Variants in PRKG1 observed in about 807,000 individuals in gnomAD.
PRKG1 encodes the protein cGMP-dependent protein kinase 1.
Under a neutral mutation model 88.1 loss-of-function variants are expected in PRKG1, and 35 were observed. The observed-to-expected ratio is 0.40, with a 90% CI of 0.30 to 0.53. The LOEUF is 0.53. Ranked by LOEUF, PRKG1 falls within the 20% of genes least tolerant of loss-of-function variation. The pLI is 0.59. For synonymous variants in PRKG1, 303 were observed against 292.5 expected, an observed-to-expected ratio of 1.04 and a Z score of -0.37; for missense variants, 540 against 839.8, an observed-to-expected ratio of 0.64 and a Z score of 4.41.
At chr10:51,140,109 G>A (rs958858330) in intron 1 of PRKG1, among the ~76,000 whole-genome samples, 1 of 152,126 alleles carries the variant, frequency 6.6e-6, no homozygotes, top group African/African-American at 2.4e-5. Flanking sequence ...ATTTCCTATG[G>A]GGTGGCTCAC....
intron 9 of PRKG1, among the ~76,000 whole-genome samples, chr10:52,189,243 A>G (rs975224255): frequency 6.6e-6 from 1 of 152,216 alleles, no homozygotes; most frequent in African/African-American, 2.4e-5. Flanking sequence ...TGTTGCTGAT[A>G]AAATTGTGAT....
chr10:51,194,241 T>C (rs1353199341), intron 2 of PRKG1, among the ~76,000 whole-genome samples: 2 of 151,986 alleles, frequency 1.3e-5, no homozygotes, highest in Admixed American at 1.3e-4. Context: ...TTTTAGTTTT[T>C]TTTTTTTTCA....
chr10:51,671,032 C>G (rs550726386), intron 3 of PRKG1, among the ~76,000 whole-genome samples: 2 of 151,846 alleles, frequency 1.3e-5, no homozygotes, highest in African/African-American at 4.8e-5. Context: ...ACCATTTTAT[C>G]TTATATTTTA....
At chr10:51,938,226 G>T (rs1049819990) in intron 5 of PRKG1, among the ~76,000 whole-genome samples, 23 of 152,122 alleles carry the variant, frequency 1.5e-4, no homozygotes, top group Non-Finnish European at 2.8e-4. Flanking sequence ...ATACACGTAA[G>T]TTTTATTAAA....
intron 3 of PRKG1, among the ~76,000 whole-genome samples, chr10:51,564,679 T>G (rs1837555299): frequency 6.6e-6 from 1 of 152,118 alleles, no homozygotes; most frequent in Admixed American, 6.6e-5. Flanking sequence ...CATTCTTTCT[T>G]TACGCACAGG....
At chr10:51,354,444 G>A (rs1842321371) in intron 2 of PRKG1, among the ~76,000 whole-genome samples, 3 of 151,966 alleles carry the variant, frequency 2.0e-5, no homozygotes, top group African/African-American at 7.3e-5. Flanking sequence ...CAGCTACTAT[G>A]TACCCGGAAA....
At chr10:51,700,072 T>G (rs905377493) in intron 3 of PRKG1, among the ~76,000 whole-genome samples, 1 of 152,284 alleles carries the variant, frequency 6.6e-6, no homozygotes, top group African/African-American at 2.4e-5. Context: ...CATTCCAGAC[T>G]GAGGGAAAAG....
At chr10:51,176,913 A>C (rs1837209386) in intron 2 of PRKG1, among the ~76,000 whole-genome samples, 2 of 152,306 alleles carry the variant, frequency 1.3e-5, no homozygotes, top group East Asian at 3.9e-4. Flanking sequence ...TATGACAATA[A>C]AGTATATATA....
At chr10:51,545,599 G>A (rs188809076) in intron 3 of PRKG1, among the ~76,000 whole-genome samples, 21 of 152,148 alleles carry the variant, frequency 1.4e-4, no homozygotes, top group South Asian at 1.0e-3. Flanking sequence ...AAAGTAATTC[G>A]TTTGAATCCT....
At chr10:51,191,335 G>A (rs552218858) in intron 2 of PRKG1, among the ~76,000 whole-genome samples, 1 of 151,910 alleles carries the variant, frequency 6.6e-6, no homozygotes, top group East Asian at 1.9e-4. Flanking sequence ...CTGCATAACT[G>A]TGGGTAAATT....
intron 2 of PRKG1, among the ~76,000 whole-genome samples, chr10:51,429,241 T>TA (rs1838688204): frequency 6.6e-6 from 1 of 152,154 alleles, no homozygotes. Context: ...AATTTTAAAA[T>TA]AAAAATAAGA....
chr10:51,091,037 G>A (rs1320043869), intron 1 of PRKG1, among the ~76,000 whole-genome samples: 1 of 152,274 alleles, frequency 6.6e-6, no homozygotes, highest in Non-Finnish European at 1.5e-5. Flanking sequence ...AAAACAATAT[G>A]ATTGTGGATA....
chr10:51,098,103 T>C (rs1221850243), intron 1 of PRKG1, among the ~76,000 whole-genome samples: 3 of 152,174 alleles, frequency 2.0e-5, no homozygotes, highest in Non-Finnish European at 4.4e-5. Flanking sequence ...TTTCTTTTTT[T>C]CCCTAAAATA....
At position 51,889,036 on chromosome 10, in the gene PRKG1, A is replaced by G. The variant is rs986553262; in HGVS notation, c.699-18471A>G. On this transcript the variant is annotated intron_variant, in intron 4 of 17. Transcript: ENST00000373980. Reference sequence around the variant, plus strand: ...CCCATCCTGACAGAGAGAGATTTGCAGAGCCCTCCACTTAACACACATTCT... The same window carrying G: ...CCCATCCTGACAGAGAGAGATTTGCGGAGCCCTCCACTTAACACACATTCT... 4.0e-5 allele frequency among the ~76,000 whole-genome samples: 6 copies of G among 149,068 alleles called. No individual in the cohort carries two copies. The Admixed American group carries it at 4.1e-4, about 10-fold the overall frequency.
intron 3 of PRKG1, among the ~76,000 whole-genome samples, chr10:51,734,345 G>A (rs531490882): frequency 2.1e-4 from 32 of 152,244 alleles, no homozygotes; most frequent in African/African-American, 7.5e-4. Context: ...TTACCTCATT[G>A]TACACTGAAA....
At chr10:51,115,637 A>G (rs1845103644) in intron 1 of PRKG1, among the ~76,000 whole-genome samples, 2 of 151,536 alleles carry the variant, frequency 1.3e-5, no homozygotes, top group Non-Finnish European at 2.9e-5. Flanking sequence ...CAAGAGATAG[A>G]GACCATCCTG....
At chr10:51,629,843 A>G (rs1839478747) in intron 3 of PRKG1, among the ~76,000 whole-genome samples, 1 of 152,152 alleles carries the variant, frequency 6.6e-6, no homozygotes, top group Non-Finnish European at 1.5e-5. Context: ...GCTGAGATAG[A>G]TGATCATGCA....
At chr10:52,004,139 T>G (rs1382783806) in intron 5 of PRKG1, among the ~76,000 whole-genome samples, 1 of 152,248 alleles carries the variant, frequency 6.6e-6, no homozygotes. Flanking sequence ...ACATTGAATT[T>G]GTAAACTTCT....
At chr10:51,884,184 C>T (rs867097049) in intron 4 of PRKG1, among the ~76,000 whole-genome samples, 6 of 151,858 alleles carry the variant, frequency 4.0e-5, no homozygotes, top group South Asian at 2.1e-4. Context: ...CGGTGGCTCA[C>T]GCCTGTAATC....
Sources: allele counts gnomAD v4.1 joint callset (sites outside exome capture counted in the v4.1 genomes callset), GRCh38; gene constraint gnomAD v4.1.1; transcripts MANE v1.5; gene names NCBI Gene and HGNC (gene_info 2026-07-23, HGNC 2026-07-21).